The following IQSEC1 variants were observed in gnomAD, a reference collection of about 807,000 sequenced individuals.
The protein encoded by IQSEC1 is IQ motif and Sec7 domain ArfGEF 1, also known as IQ motif and SEC7 domain-containing protein 1.
A neutral mutation model predicts 91.0 loss-of-function variants in IQSEC1; 31 were observed. That is an observed-to-expected ratio of 0.34 (90% CI 0.26 to 0.46). The LOEUF (loss-of-function observed/expected upper bound fraction) is 0.46. Ranked by LOEUF, IQSEC1 falls within the 20% of genes least tolerant of loss-of-function variation. The pLI, the probability that IQSEC1 is intolerant of heterozygous loss-of-function variation, is 1.00. For missense variants in IQSEC1, 1,388 were observed against 1,575.6 expected, an observed-to-expected ratio of 0.88 and a Z score of 2.02; for synonymous variants, 699 against 662.6, an observed-to-expected ratio of 1.05 and a Z score of -0.84.
chr3:13,227,391 A>G (rs1434256806), intron 1 of IQSEC1, among the ~76,000 whole-genome samples: 4 of 150,176 alleles, frequency 2.7e-5, no homozygotes, highest in Non-Finnish European at 5.9e-5. Flanking sequence ...AAAAAAAAAA[A>G]AAAAAGAAAG....
chr3:13,243,973 C>G (rs1170684745), intron 1 of IQSEC1, among the ~76,000 whole-genome samples: 1 of 152,216 alleles, frequency 6.6e-6, no homozygotes, highest in Non-Finnish European at 1.5e-5. Context: ...AGTTAGGAAG[C>G]TCGAATAGGA....
intron 1 of IQSEC1, among the ~76,000 whole-genome samples, chr3:13,203,164 TACACACACACAC>T (rs10533324): frequency 6.8e-6 from 1 of 148,008 alleles, no homozygotes; most frequent in Non-Finnish European, 1.5e-5. Context: ...TTACCACTAC[TACACACACACAC>T]ACACACACAC....
Position 13,207,751 on chromosome 3 carries a change from G to A in IQSEC1, c.273-43618C>T, listed in dbSNP as rs1322623297. On this transcript the variant is annotated intron_variant, in intron 1 of 15. Transcript: ENST00000648114. The surrounding 1 kb of genome is among the most constrained non-coding windows in gnomAD (Gnocchi z 4.8). Reference sequence around the variant, plus strand: ...ACGCCATCGCCAGCTCTCCCGGGAGGCTCTCTCTCACCATCGCATCTAAAC... The same window carrying A: ...ACGCCATCGCCAGCTCTCCCGGGAGACTCTCTCTCACCATCGCATCTAAAC... Among the ~76,000 whole-genome samples the A allele has an allele frequency of 6.6e-6, 1 of 152,010 alleles. No homozygotes were observed. The highest frequency in any genetic ancestry group is 2.4e-5 in the African/African-American group (1 of 41,390).
chr3:13,217,756 C>T (rs1037106705), intron 1 of IQSEC1, among the ~76,000 whole-genome samples: 1 of 152,212 alleles, frequency 6.6e-6, no homozygotes, highest in Non-Finnish European at 1.5e-5. Flanking sequence ...TTTATATTCA[C>T]ATTTTAAATG....
chr3:12,924,458 G>A lies in IQSEC1; in HGVS notation c.1730+123C>T. ...GTCTAGGACTTAGGAAGAGAGAAAG[G>A]GGGGCCCACCACATGTCCCAGCAAG... On this transcript the variant is annotated intron_variant, in intron 4 of 13. Coordinates refer to ENST00000613206, the MANE Select transcript of IQSEC1 (RefSeq NM_001134382.3). This position sits in a 1 kb window ranked among gnomAD's most constrained non-coding sequence, Gnocchi z 6.3. 3.0e-6 allele frequency: 3 copies of A among 985,140 alleles called. No homozygotes were observed. Among genetic ancestry groups the A allele is most frequent in the Non-Finnish European group, 4.4e-6 (3 of 685,140 alleles). 61.0% of individuals were successfully genotyped at this position (985,140 alleles called of 1,614,324 possible).
intron 2 of IQSEC1, among the ~76,000 whole-genome samples, chr3:13,089,452 G>A (rs1420550978): frequency 6.6e-6 from 1 of 152,096 alleles, no homozygotes; most frequent in Non-Finnish European, 1.5e-5. Flanking sequence ...AGGTGTGGTG[G>A]TGCACACCTG....
rs552647428 is a variant in IQSEC1 at position 13,118,813 on chromosome 3, T to C, written c.302+45291A>G. On this transcript the variant is annotated intron_variant, in intron 2 of 15. Coordinates refer to the IQSEC1 transcript ENST00000648114. The stretch of plus-strand genomic sequence containing the variant: ...AAAATGGGCTGGGGGCGGTGGCTCA[T>C]GCCTGTAATCTCAGCACTTCGGGAG... Among the ~76,000 whole-genome samples, 16 of 152,274 alleles carry C rather than the reference T, an allele frequency of 1.1e-4. No homozygotes were observed. In the East Asian group the frequency reaches 2.9e-3, roughly 28 times the overall value.
At position 12,899,359 on chromosome 3, in the gene IQSEC1, G is replaced by C; in HGVS notation, c.*1624C>G. ...TCTGAAAGGGCCTCCGCCTGGGCAG[G>C]CGCCGGGGGGCAGTCCTCGGGTCCC... On this transcript the variant is annotated 3_prime_UTR_variant, in exon 14 of 14. Transcript: ENST00000613206. 6.2e-7 allele frequency: 1 copy of C among 1,610,302 alleles called. No individual in the cohort carries two copies. The highest frequency in any genetic ancestry group is 8.5e-7 in the Non-Finnish European group (1 of 1,178,834).
intron 6 of IQSEC1, among the ~76,000 whole-genome samples, chr3:12,920,215 G>A (rs1298817185): frequency 6.6e-6 from 1 of 152,222 alleles, no homozygotes; most frequent in East Asian, 1.9e-4. Context: ...ACCCCGGCCT[G>A]TGTCATGCAG....
rs533888026 is a variant in IQSEC1, at chr3:13,228,722, C to T, written c.272+53989G>A. Among the ~76,000 whole-genome samples, 130 of 152,344 alleles carry T rather than the reference C, an allele frequency of 8.5e-4. 2 individuals are homozygous for T. In the Middle Eastern group the frequency reaches 0.02, roughly 24 times the overall value. ...CTCACCCTTGCCCTCTGTGCTCCAA[C>T]CTTGCTGACCTCTTAGCTCTCTAAA... On this transcript the variant is annotated intron_variant, in intron 1 of 15. Transcript: ENST00000648114.
At position 12,915,621 on chromosome 3, in the gene IQSEC1, C is replaced by T; in HGVS notation, c.2133G>A (p.Val711=). 6.2e-7 allele frequency: 1 copy of T among 1,614,144 alleles called. No individual in the cohort carries two copies. Among genetic ancestry groups the T allele is most frequent in the Non-Finnish European group, 8.5e-7 (1 of 1,179,998 alleles). ...NEDHVSQVQK[V]EKLIVGKKPI... is the part of the protein sequence containing the mutation. Reference sequence around the variant, plus strand: ...GCTTTTTCCCCACAATGAGCTTCTCCACCTTCTGCACCTGGGACACATGGT... The same window carrying T: ...GCTTTTTCCCCACAATGAGCTTCTCTACCTTCTGCACCTGGGACACATGGT... The change falls in exon 7 of 14, where the codon GTG becomes GTA. Residue 711 remains valine, a synonymous_variant. Coordinates refer to ENST00000613206, the MANE Select transcript of IQSEC1 (RefSeq NM_001134382.3).
At position 12,909,407 on chromosome 3, in the gene IQSEC1, G is replaced by C; in HGVS notation, c.2444C>G (p.Ser815Trp). 6.2e-7 allele frequency: 1 copy of C among 1,614,150 alleles called. No homozygotes were observed. The highest frequency in any genetic ancestry group is 8.5e-7 in the Non-Finnish European group (1 of 1,180,016). Residue 815 changes from serine (S) to tryptophan (W), a missense_variant, in exon 11 of 14, where the codon TCG becomes TGG. Physicochemically the swap from Ser to Trp is radical, Grantham distance 177. Coordinates refer to ENST00000613206, the MANE Select transcript of IQSEC1 (RefSeq NM_001134382.3). This position sits in a 1 kb window ranked among gnomAD's most constrained non-coding sequence, Gnocchi z 4.9. ...QYYPNGIRLT[S>W]SVPGADIKVL... Reference sequence around the variant, plus strand: ...TTTGATATCTGCTCCGGGGACAGACGAGGTGAGCCGGATGCCATTGGGGTA... The same window carrying C: ...TTTGATATCTGCTCCGGGGACAGACCAGGTGAGCCGGATGCCATTGGGGTA...
At chr3:13,061,203 C>G (rs906272809) in intron 1 of IQSEC1, among the ~76,000 whole-genome samples, 34 of 152,254 alleles carry the variant, frequency 2.2e-4, no homozygotes, top group Non-Finnish European at 3.7e-4. Context: ...TAGATGGGGA[C>G]ATGGGGACAG....
chr3:12,987,043 C>T (rs1463236140), intron 1 of IQSEC1: 1 of 436,718 alleles, frequency 2.3e-6, no homozygotes, highest in Admixed American at 2.5e-5. Context: ...CAGGCCTCCT[C>T]TGCTGCCCAC....
At chr3:13,112,229 A>G (rs1342097413) in intron 2 of IQSEC1, among the ~76,000 whole-genome samples, 1 of 152,174 alleles carries the variant, frequency 6.6e-6, no homozygotes, top group African/African-American at 2.4e-5. Context: ...TAAGTTCAAC[A>G]TTCACCACGG....
At chr3:13,017,935 C>T (rs1041840250) in intron 1 of IQSEC1, among the ~76,000 whole-genome samples, 22 of 152,138 alleles carry the variant, frequency 1.4e-4, no homozygotes, top group Non-Finnish European at 2.4e-4. Context: ...ATAGACAGCA[C>T]GAGCCAGGGT....
chr3:13,128,894 A>G lies in IQSEC1; in HGVS notation c.302+35210T>C, dbSNP rs1012335335. Among the ~76,000 whole-genome samples the G allele has an allele frequency of 5.9e-5, 9 of 151,870 alleles. No individual in the cohort carries two copies. The South Asian group carries it at 8.3e-4, about 14-fold the overall frequency. On this transcript the variant is annotated intron_variant, in intron 2 of 15. Coordinates refer to the IQSEC1 transcript ENST00000648114. ...TCTGTCTCAAAAAAAAAAAAAAAAAAAAAGAAATGTTACATCTAGGTTAAT... is the reference window on the plus strand; with the variant it reads ...TCTGTCTCAAAAAAAAAAAAAAAAAGAAAGAAATGTTACATCTAGGTTAAT...
Position 12,909,547 on chromosome 3 carries a change from A to T in IQSEC1, c.2417-113T>A. ...CTGAGTTGTGCGTGAGCCTGGGATAAGTGCCGGGAGTCCAGCCTCCGCAGT... is the reference window on the plus strand; with the variant it reads ...CTGAGTTGTGCGTGAGCCTGGGATATGTGCCGGGAGTCCAGCCTCCGCAGT... On this transcript the variant is annotated intron_variant, in intron 10 of 13. Coordinates refer to ENST00000613206, the MANE Select transcript of IQSEC1 (RefSeq NM_001134382.3). The surrounding 1 kb of genome is among the most constrained non-coding windows in gnomAD (Gnocchi z 4.9). 9.4e-7 allele frequency: 1 copy of T among 1,064,440 alleles called. No individual in the cohort carries two copies. The highest frequency in any genetic ancestry group is 2.3e-5 in the Admixed American group (1 of 44,402). The allele number at this position is 1,064,440 out of a possible 1,614,324, so 65.9% of individuals were successfully genotyped here. A position where few individuals can be genotyped will look rare whatever the true frequency, so the allele number is the denominator to read the frequency against.
chr3:13,094,767 T>C (rs947866642), intron 2 of IQSEC1, among the ~76,000 whole-genome samples: 1 of 152,176 alleles, frequency 6.6e-6, no homozygotes, highest in African/African-American at 2.4e-5. Context: ...CTCCGGGATC[T>C]TCTCCCACTG....
Sources: allele counts gnomAD v4.1 joint callset (sites outside exome capture counted in the v4.1 genomes callset), GRCh38; gene constraint gnomAD v4.1.1; non-coding constraint Gnocchi (gnomAD v3.1); transcripts MANE v1.5; gene names NCBI Gene and HGNC (gene_info 2026-07-23, HGNC 2026-07-21).